ELOVL6: variants seen among roughly 807,000 people sequenced by gnomAD.
ELOVL6 encodes very long chain fatty acid elongase 6.
A neutral mutation model predicts 31.7 loss-of-function variants in ELOVL6; 8 were observed. The ratio of observed to expected loss-of-function variants is 0.25; its 90% CI spans 0.15 to 0.45. ELOVL6 has a LOEUF of 0.45. ELOVL6 is among the 20% of genes least tolerant of loss of function. ELOVL6 has a pLI of 1.00. For missense variants in ELOVL6, 126 were observed against 326.4 expected, an observed-to-expected ratio of 0.39 and a Z score of 4.73; for synonymous variants, 101 against 117.7, an observed-to-expected ratio of 0.86 and a Z score of 0.92.
intron 1 of ELOVL6, among the ~76,000 whole-genome samples, chr4:110,190,110 A>C (rs960697862): frequency 1.3e-5 from 2 of 152,144 alleles, no homozygotes; most frequent in Admixed American, 6.6e-5. Flanking sequence ...GAAAAAAAAA[A>C]CTGAAATATG....
chr4:110,124,734 A>G (rs1757448770), intron 1 of ELOVL6, among the ~76,000 whole-genome samples: 1 of 152,030 alleles, frequency 6.6e-6, no homozygotes, highest in Non-Finnish European at 1.5e-5. Context: ...GAATGTGTTT[A>G]TTGTTCTTTC....
intron 1 of ELOVL6, among the ~76,000 whole-genome samples, chr4:110,170,166 C>G (rs1438755667): frequency 2.0e-5 from 3 of 152,040 alleles, no homozygotes; most frequent in East Asian, 3.8e-4. Flanking sequence ...AAATCTCCAG[C>G]CTTAAGAACA....
intron 1 of ELOVL6, among the ~76,000 whole-genome samples, chr4:110,141,223 C>G (rs543830335): frequency 2.0e-5 from 3 of 152,178 alleles, no homozygotes; most frequent in Admixed American, 2.0e-4. Flanking sequence ...GCCACCACAC[C>G]CAGCTAATTT....
chr4:110,076,965 C>T (rs950495053), intron 2 of ELOVL6, among the ~76,000 whole-genome samples: 4 of 152,196 alleles, frequency 2.6e-5, no homozygotes, highest in Admixed American at 6.5e-5. Flanking sequence ...GAGGGTCCTA[C>T]GCCCACAGAG....
chr4:110,101,700 G>A (rs905727744), intron 2 of ELOVL6, among the ~76,000 whole-genome samples: 20 of 151,798 alleles, frequency 1.3e-4, no homozygotes, highest in African/African-American at 4.8e-4. Flanking sequence ...TTGAGACAGG[G>A]TCTCACTCTG....
chr4:110,078,453 G>A (rs1046452842), intron 2 of ELOVL6, among the ~76,000 whole-genome samples: 3 of 152,180 alleles, frequency 2.0e-5, no homozygotes, highest in Admixed American at 1.3e-4. Context: ...TTAAAGAAAA[G>A]AATTTTCAAC....
intron 1 of ELOVL6, among the ~76,000 whole-genome samples, chr4:110,177,403 C>T (rs1248650795): frequency 3.9e-5 from 6 of 151,946 alleles, no homozygotes; most frequent in South Asian, 4.2e-4. Context: ...TGCCACTGCA[C>T]GCCAGCCTGG....
chr4:110,089,720 C>T (rs113251360), intron 2 of ELOVL6, among the ~76,000 whole-genome samples: 1,929 of 152,172 alleles, frequency 0.013, 42 homozygotes, highest in African/African-American at 0.043. Context: ...GGTAGATGGG[C>T]CAACTTTTCT....
intron 2 of ELOVL6, among the ~76,000 whole-genome samples, chr4:110,084,095 T>TATATGATATATAAC (rs1313758644): frequency 1.2e-5 from 1 of 82,254 alleles, no homozygotes; most frequent in Non-Finnish European, 2.4e-5. Flanking sequence ...ATATATAACA[T>TATATGATATATAAC]ATATATGATA....
intron 1 of ELOVL6, among the ~76,000 whole-genome samples, chr4:110,163,804 G>A (rs1003865073): frequency 1.8e-4 from 27 of 152,170 alleles, no homozygotes; most frequent in Admixed American, 1.0e-3. Flanking sequence ...GGTTTAATTT[G>A]CCAGGGTCAT....
At chr4:110,182,219 C>T (rs62326654) in intron 1 of ELOVL6, among the ~76,000 whole-genome samples, 6,626 of 152,112 alleles carry the variant, frequency 0.044, 202 homozygotes, top group South Asian at 0.12. Context: ...TTATCATCCT[C>T]CCTTGAAGTA....
chr4:110,151,151 T>C (rs2126265366), intron 1 of ELOVL6, among the ~76,000 whole-genome samples: 1 of 152,206 alleles, frequency 6.6e-6, no homozygotes, highest in East Asian at 1.9e-4. Context: ...TCAATATTTT[T>C]TAATACAGGT....
At chr4:110,118,717 T>A (rs1156532155) in intron 1 of ELOVL6, among the ~76,000 whole-genome samples, 1 of 152,244 alleles carries the variant, frequency 6.6e-6, no homozygotes, top group Non-Finnish European at 1.5e-5. Flanking sequence ...GATACTCCCA[T>A]ATTCAAAGTC....
At chr4:110,145,090 G>C (rs1758070190) in intron 1 of ELOVL6, among the ~76,000 whole-genome samples, 1 of 151,916 alleles carries the variant, frequency 6.6e-6, no homozygotes, top group Non-Finnish European at 1.5e-5. Flanking sequence ...GCTCAAGGTG[G>C]AAAGGGATGG....
At chr4:110,056,958 G>T (rs142162293) in intron 3 of ELOVL6, among the ~76,000 whole-genome samples, 1,915 of 152,260 alleles carry the variant, frequency 0.013, 32 homozygotes, top group Non-Finnish European at 0.02. Context: ...CAAGATAGAA[G>T]ATGAAAATAT....
intron 2 of ELOVL6, among the ~76,000 whole-genome samples, chr4:110,087,921 T>TA (rs1578471644): frequency 1.3e-5 from 2 of 152,340 alleles, no homozygotes; most frequent in East Asian, 3.9e-4. Context: ...CCTTAACAAT[T>TA]AGAGTCAATT....
intron 3 of ELOVL6, among the ~76,000 whole-genome samples, chr4:110,055,033 C>A (rs1190594976): frequency 1.3e-5 from 2 of 152,120 alleles, no homozygotes; most frequent in African/African-American, 2.4e-5. Flanking sequence ...GGGTTACTAT[C>A]CCCCAGACTG....
chr4:110,156,483 C>T (rs1413903371), intron 1 of ELOVL6, among the ~76,000 whole-genome samples: 3 of 151,902 alleles, frequency 2.0e-5, no homozygotes, highest in South Asian at 2.1e-4. Flanking sequence ...CCTAGGAGTT[C>T]GAGACTAGCC....
chr4:110,170,261 T>C (rs1758905417), intron 1 of ELOVL6, among the ~76,000 whole-genome samples: 1 of 152,244 alleles, frequency 6.6e-6, no homozygotes, highest in African/African-American at 2.4e-5. Context: ...TATTTACTGC[T>C]AAGTATAGGT....
Sources: allele counts gnomAD v4.1 joint callset (sites outside exome capture counted in the v4.1 genomes callset), GRCh38; gene constraint gnomAD v4.1.1; transcripts MANE v1.5; gene names NCBI Gene and HGNC (gene_info 2026-07-23, HGNC 2026-07-21).